Variants in RP1 observed in about 807,000 individuals in gnomAD.
The protein encoded by RP1 is RP1 axonemal microtubule associated, also known as oxygen-regulated protein 1.
A neutral mutation model predicts 14.8 loss-of-function variants in RP1; 16 were observed. That is an observed-to-expected ratio of 1.08 (90% CI 0.73 to 1.65). The LOEUF (loss-of-function observed/expected upper bound fraction) is 1.65, where lower values mean the gene tolerates loss of function less well. RP1 is among the 40% of genes most tolerant of loss of function. The probability of loss-of-function intolerance (pLI) is 0.00; values close to 1 mark genes in which losing one functional copy is unlikely to be tolerated. For synonymous variants in RP1, 876 were observed against 883.6 expected (o/e 0.99, Z 0.15); for missense variants, 2,631 against 2,535.0 (o/e 1.04, Z -0.81).
chr8:54,783,478 T>A, intron 23 of RP1: 1 of 754,300 alleles, frequency 1.3e-6, no homozygotes, highest in Non-Finnish European at 1.8e-6. Context: ...TAAGTAGAAA[T>A]CCTTATTTTC....
intron 1 of RP1, among the ~76,000 whole-genome samples, chr8:54,609,227 A>G (rs568225287): frequency 6.6e-6 from 1 of 152,024 alleles, no homozygotes; most frequent in Non-Finnish European, 1.5e-5. Context: ...GTGGGAGGCC[A>G]AGGTAGGAGG....
At chr8:54,817,086 C>A (rs943889543) in intron 24 of RP1, among the ~76,000 whole-genome samples, 3 of 152,040 alleles carry the variant, frequency 2.0e-5, no homozygotes, top group African/African-American at 7.2e-5. Flanking sequence ...GAGGACTGAG[C>A]ATGTCATTGC....
intron 20 of RP1, chr8:54,755,041 A>G (rs1219298722): frequency 2.4e-6 from 3 of 1,239,558 alleles, no homozygotes; most frequent in African/African-American, 1.5e-5. Context: ...TCCTGCTTCT[A>G]AGAGAGTTGT....
chr8:54,729,009 G>T (rs1236283099), intron 17 of RP1, among the ~76,000 whole-genome samples: 2 of 151,998 alleles, frequency 1.3e-5, no homozygotes, highest in East Asian at 1.9e-4. Flanking sequence ...AAATACTTCA[G>T]AAATGCCATA....
chr8:54,859,629 A>G (rs572524823), intron 27 of RP1, among the ~76,000 whole-genome samples: 1 of 151,858 alleles, frequency 6.6e-6, no homozygotes, highest in African/African-American at 2.4e-5. Context: ...AGGGGGTGTT[A>G]CCGTAGATGA....
At chr8:54,787,507 C>T (rs1207131639) in intron 24 of RP1, among the ~76,000 whole-genome samples, 2 of 152,102 alleles carry the variant, frequency 1.3e-5, no homozygotes, top group African/African-American at 4.8e-5. Context: ...CTGAGGGAAT[C>T]ATAAAGGCAT....
At chr8:54,855,973 C>CACA (rs367829972) in intron 26 of RP1, among the ~76,000 whole-genome samples, 4,768 of 102,200 alleles carry the variant, frequency 0.047, 130 homozygotes, top group Admixed American at 0.099. Context: ...ACACACACAC[C>CACA]CCCTATAACC....
chr8:54,707,737 C>T (rs1167230392), intron 15 of RP1, among the ~76,000 whole-genome samples: 3 of 152,142 alleles, frequency 2.0e-5, no homozygotes, highest in African/African-American at 4.8e-5. Context: ...GGGTCCCTGT[C>T]GGTGCTGCAG....
At chr8:54,741,733 A>G (rs534020788) in intron 19 of RP1, among the ~76,000 whole-genome samples, 9 of 135,560 alleles carry the variant, frequency 6.6e-5, no homozygotes, top group Middle Eastern at 3.7e-3. Context: ...ATATATATAT[A>G]TATATATATA....
intron 1 of RP1, among the ~76,000 whole-genome samples, chr8:54,616,666 C>G (rs1355901899): frequency 6.6e-6 from 1 of 152,208 alleles, no homozygotes; most frequent in African/African-American, 2.4e-5. Flanking sequence ...CATCAAGTCT[C>G]TGAATTGCTA....
chr8:54,677,252 A>G (rs780712757), intron 8 of RP1, among the ~76,000 whole-genome samples: 2 of 152,042 alleles, frequency 1.3e-5, no homozygotes, highest in Non-Finnish European at 2.9e-5. Flanking sequence ...CTACTGAATT[A>G]GAAACTGTGG....
chr8:54,867,406 G>GA (rs1812482733), intron 28 of RP1, among the ~76,000 whole-genome samples: 1 of 152,024 alleles, frequency 6.6e-6, no homozygotes, highest in African/African-American at 2.4e-5. Context: ...TTTTATTTTT[G>GA]AAAGAAATCT....
Position 54,626,754 on chromosome 8 carries a change from CA to C in RP1, c.2873del (p.His958LeufsTer7). On this transcript the variant is annotated frameshift_variant, in exon 4 of 4. Coordinates refer to ENST00000220676, the MANE Select transcript of RP1 (RefSeq NM_006269.2). LOFTEE classifies it low-confidence loss of function (END_TRUNC). ...TAATAGTTTTTCAGGGAATGATCCC[CA>C]TACAAATTCTGGAAAAATAAGTAAT... ...SNNSFSGNDP[H>X]TNSGKISNFV... 6.2e-7 allele frequency: 1 copy of C among 1,613,820 alleles called. No homozygotes were observed. Among genetic ancestry groups the C allele is most frequent in the Non-Finnish European group, 8.5e-7 (1 of 1,179,930 alleles).
chr8:54,817,788 T>C (rs1811168714), intron 24 of RP1, among the ~76,000 whole-genome samples: 1 of 152,210 alleles, frequency 6.6e-6, no homozygotes, highest in Non-Finnish European at 1.5e-5. Flanking sequence ...ATGTATGATG[T>C]ACATAAAATA....
At position 54,837,517 on chromosome 8, in the gene RP1, C is replaced by T; in HGVS notation, c.3683C>T (p.Pro1228Leu). The change falls in exon 25 of 29, where the codon CCC becomes CTC. Residue 1228 changes from proline to leucine, a missense_variant. By Grantham distance (98) the Pro-to-Leu change is moderately conservative. Coordinates refer to the RP1 transcript ENST00000637698. ...GGACATGACAACACTGGAAAGAATC[C>T]CAGGTGGTATCTGGAAGAAGTTAGA... The T allele has an allele frequency of 2.4e-6, 3 of 1,231,592 alleles. No homozygotes were observed. In the East Asian group the frequency reaches 9.5e-5, roughly 39 times the overall value. 76.3% of individuals were successfully genotyped at this position (1,231,592 alleles called of 1,614,324 possible).
intron 27 of RP1, among the ~76,000 whole-genome samples, chr8:54,862,400 C>T (rs947667720): frequency 2.0e-5 from 3 of 152,154 alleles, no homozygotes; most frequent in African/African-American, 7.2e-5. Context: ...TTGCATTACC[C>T]TGATTTCTAG....
chr8:54,680,681 G>A (rs546390815), intron 12 of RP1, among the ~76,000 whole-genome samples: 6 of 152,236 alleles, frequency 3.9e-5, no homozygotes, highest in African/African-American at 1.4e-4. Context: ...TGTCTGGGCC[G>A]GGTGTGGTGG....
At chr8:54,778,031 A>G (rs1354956381) in intron 23 of RP1, among the ~76,000 whole-genome samples, 2 of 152,228 alleles carry the variant, frequency 1.3e-5, no homozygotes, top group Non-Finnish European at 2.9e-5. Context: ...ACAGGTAGCC[A>G]TGCTTTTCAA....
upstream of RP1, among the ~76,000 whole-genome samples, chr8:54,613,017 C>T (rs1805633011): frequency 6.6e-6 from 1 of 152,146 alleles, no homozygotes; most frequent in East Asian, 1.9e-4. Context: ...TTTGTCTCTG[C>T]AGGATAATGT....
Sources: gnomAD v4.1 joint callset for allele counts (sites outside exome capture counted in the v4.1 genomes callset) on GRCh38, gnomAD v4.1.1 for gene constraint, MANE v1.5 for transcripts, NCBI Gene and HGNC (gene_info 2026-07-23, HGNC 2026-07-21) for gene names.